Variants in ATP1A3 observed in about 807,000 individuals in gnomAD.
ATP1A3 encodes the protein sodium/potassium-transporting ATPase subunit alpha-3.
ATP1A3 carries 12 observed loss-of-function variants against 108.8 expected under a neutral mutation model. That is an observed-to-expected ratio of 0.11 (90% CI 0.07 to 0.18). The LOEUF is 0.18. Ranked by LOEUF, ATP1A3 falls within the 10% of genes least tolerant of loss-of-function variation. The pLI is 1.00. For missense variants in ATP1A3, 498 were observed against 1,387.7 expected (o/e 0.36, Z 10.19); for synonymous variants, 539 against 564.5 (o/e 0.95, Z 0.64).
In ATP1A3 at chr19:41,981,438, C is replaced by A. The variant is rs880001500; in HGVS notation, c.1437+64G>T. On this transcript the variant is annotated intron_variant, in intron 11 of 22. Transcript: ENST00000648268. This position sits in a 1 kb window ranked among gnomAD's most constrained non-coding sequence, Gnocchi z 5.0. Reference sequence around the variant, plus strand: ...ACGGGAAAATCAAGGCTCTATGACACCTCTTTACAGGCGTCATAAGGAACC... The same window carrying A: ...ACGGGAAAATCAAGGCTCTATGACAACTCTTTACAGGCGTCATAAGGAACC... 13 of 1,612,398 alleles carry A rather than the reference C, an allele frequency of 8.1e-6. No individual in the cohort carries two copies. The highest frequency in any genetic ancestry group is 1.0e-5 in the Non-Finnish European group (12 of 1,178,868).
Position 41,968,897 on chromosome 19 carries a change from C to T in ATP1A3, c.2707G>A (p.Val903Met). ...GQQWTYEQRK[V>M]VEFTCHTAFF... Reference sequence around the variant, plus strand: ...GCCGTGTGGCAGGTGAACTCCACCACCTTCCTCTGCTCGTATGTCTGCAGG... The same window carrying T: ...GCCGTGTGGCAGGTGAACTCCACCATCTTCCTCTGCTCGTATGTCTGCAGG... The change falls in exon 20 of 23, where the codon GTG (valine) becomes ATG (methionine). Residue 903 changes from valine to methionine, a missense_variant. Val to Met is a conservative substitution (Grantham distance 21, BLOSUM62 1). This residue lies in a region of ATP1A3 where 121 missense variants were observed against 425.1 expected (regional missense o/e 0.28). Coordinates refer to ENST00000648268, the MANE Select transcript of ATP1A3 (RefSeq NM_152296.5). The surrounding 1 kb of genome is among the most constrained non-coding windows in gnomAD (Gnocchi z 5.0). 6.2e-7 allele frequency: 1 copy of T among 1,614,032 alleles called. No individual in the cohort carries two copies. Among genetic ancestry groups the T allele is most frequent in the African/African-American group, 1.3e-5 (1 of 75,048 alleles).
intron 16 of ATP1A3, among the ~76,000 whole-genome samples, chr19:41,974,820 T>C (rs1421469843): frequency 6.6e-6 from 1 of 152,220 alleles, no homozygotes; most frequent in Non-Finnish European, 1.5e-5. Context: ...CAGGAGGTGG[T>C]GCCTGTCGGC....
intron 1 of ATP1A3, among the ~76,000 whole-genome samples, chr19:41,991,764 C>G (rs992583894): frequency 8.6e-5 from 13 of 151,352 alleles, no homozygotes; most frequent in Admixed American, 3.3e-4. Flanking sequence ...GGAGGAGGGG[C>G]AGGGGTCTGG....
intron 8 of ATP1A3, among the ~76,000 whole-genome samples, chr19:41,983,827 T>G (rs185415628): frequency 7.2e-6 from 1 of 138,632 alleles, no homozygotes; most frequent in Admixed American, 8.2e-5. Context: ...CAGGCTGGAG[T>G]GAGGTGGCAC....
At position 41,981,701 on chromosome 19, in the gene ATP1A3, G is replaced by A; in HGVS notation, c.1302+21C>T. ...GGGAGGACACAGGCAGGGCCGAGGT[G>A]AGGCCAGTAGCTGAACCCACCTTGA... On this transcript the variant is annotated intron_variant, in intron 10 of 22. Coordinates refer to ENST00000648268, the MANE Select transcript of ATP1A3 (RefSeq NM_152296.5). The surrounding 1 kb of genome is among the most constrained non-coding windows in gnomAD (Gnocchi z 5.0). 1 of 1,614,212 alleles carries A rather than the reference G, an allele frequency of 6.2e-7. No homozygotes were observed. Among genetic ancestry groups the A allele is most frequent in the Non-Finnish European group, 8.5e-7 (1 of 1,180,042 alleles).
chr19:41,974,557 C>T (rs1429775860), intron 16 of ATP1A3, among the ~76,000 whole-genome samples: 5 of 152,166 alleles, frequency 3.3e-5, no homozygotes, highest in African/African-American at 1.2e-4. Context: ...ACTCTGGGCT[C>T]GGCTTTGCCG....
In ATP1A3 at chr19:41,985,555, G is replaced by T; in HGVS notation, c.607-132C>A. On this transcript the variant is annotated intron_variant, in intron 6 of 22. Transcript: ENST00000648268. The surrounding 1 kb of genome is among the most constrained non-coding windows in gnomAD (Gnocchi z 8.2). ...AGAAGCCTGGGTGCCCAGTGGGTGA[G>T]TGGTGTGTGGGAGGCCAGAGGCTGG... The T allele has an allele frequency of 2.1e-6, 2 of 970,934 alleles. No individual in the cohort carries two copies. The highest frequency in any genetic ancestry group is 3.2e-6 in the Non-Finnish European group (2 of 619,046). 60.1% of individuals were successfully genotyped at this position (970,934 alleles called of 1,614,324 possible).
Position 41,988,768 on chromosome 19 carries a change from A to C in ATP1A3, c.7-206T>G. Among the ~76,000 whole-genome samples, 1 of 148,720 alleles carries C rather than the reference A, an allele frequency of 6.7e-6. No homozygotes were observed. Among genetic ancestry groups the C allele is most frequent in the East Asian group, 2.0e-4 (1 of 5,076 alleles). On this transcript the variant is annotated intron_variant, in intron 1 of 22. Coordinates refer to ENST00000648268, the MANE Select transcript of ATP1A3 (RefSeq NM_152296.5). The surrounding 1 kb of genome is among the most constrained non-coding windows in gnomAD (Gnocchi z 5.3). The stretch of plus-strand genomic sequence containing the variant: ...CTTCACCTCCCTTCTGCCTCTGGTG[A>C]CTCTCAGGCCTCGTGAGTCTCATCT...
At chr19:41,974,960 C>T (rs2075150115) in intron 16 of ATP1A3, among the ~76,000 whole-genome samples, 1 of 152,220 alleles carries the variant, frequency 6.6e-6, no homozygotes, top group Admixed American at 6.5e-5. Flanking sequence ...TCAGCCATCC[C>T]TGTCCACTCT....
intron 1 of ATP1A3, chr19:41,993,041 CCAT>C: frequency 6.1e-6 from 1 of 165,118 alleles, no homozygotes; most frequent in Non-Finnish European, 1.3e-5. Flanking sequence ...ATCTGCAGCC[CCAT>C]CCCCCACCTC....
chr19:41,993,266 T>A, intron 1 of ATP1A3: 1 of 871,670 alleles, frequency 1.1e-6, no homozygotes, highest in Non-Finnish European at 1.8e-6. Context: ...GGAGGCGGCA[T>A]CTGCTGGAGA....
chr19:41,969,908 C>T (rs2075083972), intron 18 of ATP1A3, among the ~76,000 whole-genome samples: 1 of 152,190 alleles, frequency 6.6e-6, no homozygotes, highest in African/African-American at 2.4e-5. Context: ...GGAATGACCT[C>T]CCTGGGCCTG....
intron 8 of ATP1A3, among the ~76,000 whole-genome samples, chr19:41,982,706 A>G (rs1027801887): frequency 2.6e-5 from 4 of 152,196 alleles, no homozygotes; most frequent in Non-Finnish European, 5.9e-5. Context: ...GGACAATGGA[A>G]TACTAACATT....
At chr19:41,982,894 G>C (rs1216954165) in intron 8 of ATP1A3, among the ~76,000 whole-genome samples, 3 of 152,092 alleles carry the variant, frequency 2.0e-5, no homozygotes, top group Non-Finnish European at 2.9e-5. Flanking sequence ...CCTTGGGTTG[G>C]GGGGCAGGGG....
intron 4 of ATP1A3, chr19:41,986,479 G>C: frequency 2.5e-6 from 1 of 394,524 alleles, no homozygotes; most frequent in Admixed American, 3.6e-5. Context: ...GTCTCACTCT[G>C]TCGCCCAGGC....
chr19:41,968,007 G>C lies in ATP1A3; in HGVS notation c.2820-244C>G, dbSNP rs1163074900. Among the ~76,000 whole-genome samples the C allele has an allele frequency of 6.9e-6, 1 of 145,610 alleles. No individual in the cohort carries two copies. The highest frequency in any genetic ancestry group is 1.5e-5 in the Non-Finnish European group (1 of 66,944). ...AAAGACAGGGACAGACACAGAGACA[G>C]GGACAGACACAGAGACAGACAGGGA... On this transcript the variant is annotated intron_variant, in intron 20 of 22. Transcript: ENST00000648268. The surrounding 1 kb of genome is among the most constrained non-coding windows in gnomAD (Gnocchi z 5.0).
At chr19:41,987,810 G>A in intron 4 of ATP1A3, 126 bp downstream of exon 4, 2 of 1,261,080 alleles carry the variant, frequency 1.6e-6, no homozygotes, top group Non-Finnish European at 2.3e-6. Flanking sequence ...CTGGGTGATT[G>A]TGAGTTAGAT....
Position 41,994,143 on chromosome 19 carries a change from G to T in ATP1A3, c.-67C>A. On this transcript the variant is annotated 5_prime_UTR_variant, in exon 1 of 23. The change creates a new upstream start codon in the 5' untranslated region. Coordinates refer to ENST00000648268, the MANE Select transcript of ATP1A3 (RefSeq NM_152296.5). ...GGACCTCGGGGCGGGCTCAGGCTCA[G>T]GCTTGGGCTGGGAGCCTCTGCAGCG... The T allele has an allele frequency of 6.7e-7, 1 of 1,488,942 alleles. No individual in the cohort carries two copies. The highest frequency in any genetic ancestry group is 9.0e-7 in the Non-Finnish European group (1 of 1,112,956). 92.2% of individuals were successfully genotyped at this position (1,488,942 alleles called of 1,614,324 possible).
chr19:41,974,371 A>T (rs1319415773), intron 16 of ATP1A3, among the ~76,000 whole-genome samples: 3 of 152,162 alleles, frequency 2.0e-5, no homozygotes, highest in Non-Finnish European at 4.4e-5. Flanking sequence ...TAAGTCCCGG[A>T]GGTGGAGGCT....
Sources: gnomAD v4.1 joint callset for allele counts (sites outside exome capture counted in the v4.1 genomes callset) on GRCh38, gnomAD v4.1.1 for gene constraint, gnomAD v4.1.1 regional missense constraint, Gnocchi (gnomAD v3.1) non-coding constraint, MANE v1.5 for transcripts, NCBI Gene and HGNC (gene_info 2026-07-23, HGNC 2026-07-21) for gene names.